Variants in RUFY3 observed in about 807,000 individuals in gnomAD.
RUFY3 encodes the protein RUN and FYVE domain containing 3, also known as protein RUFY3.
RUFY3 carries 34 observed loss-of-function variants against 84.0 expected under a neutral mutation model. That is an observed-to-expected ratio of 0.40 (90% CI 0.31 to 0.54). RUFY3 has a LOEUF of 0.54. RUFY3 is among the 20% of genes least tolerant of loss of function. The pLI, the probability that RUFY3 is intolerant of heterozygous loss-of-function variation, is 0.39. For missense variants in RUFY3, 507 were observed against 736.8 expected, an observed-to-expected ratio of 0.69 and a Z score of 3.61; for synonymous variants, 242 against 252.9, an observed-to-expected ratio of 0.96 and a Z score of 0.41.
At chr4:70,704,996 G>A in exon 1 of RUFY3, 2 of 1,224,366 alleles carry the variant, frequency 1.6e-6, no homozygotes, top group Non-Finnish European at 2.0e-6. Flanking sequence ...AGGAGCCGGC[G>A]AGGGGCGGGG....
chr4:70,729,032 G>A (rs28665315), intron 1 of RUFY3, among the ~76,000 whole-genome samples: 14,047 of 152,068 alleles, frequency 0.092, 1,382 homozygotes, highest in African/African-American at 0.25. Context: ...AAACTTTATT[G>A]CTGTCAATAT....
intron 6 of RUFY3, among the ~76,000 whole-genome samples, chr4:70,774,560 A>T (rs1727507783): frequency 7.6e-6 from 1 of 132,086 alleles, no homozygotes; most frequent in Non-Finnish European, 1.6e-5. Context: ...GGTTGCAGTG[A>T]GCCGAAATCA....
At chr4:70,742,396 A>T (rs115997212) in intron 1 of RUFY3, among the ~76,000 whole-genome samples, 1 of 152,272 alleles carries the variant, frequency 6.6e-6, no homozygotes, top group African/African-American at 2.4e-5. Flanking sequence ...CACACCCCTG[A>T]CACACACACA....
At chr4:70,795,848 C>T (rs1158026769) in intron 14 of RUFY3, among the ~76,000 whole-genome samples, 1 of 152,106 alleles carries the variant, frequency 6.6e-6, no homozygotes, top group Non-Finnish European at 1.5e-5. Flanking sequence ...AAAAAGAAAT[C>T]AGAGGCACCA....
exon 1 of RUFY3, chr4:70,704,824 T>A: frequency 1.5e-6 from 1 of 664,696 alleles, no homozygotes; most frequent in Non-Finnish European, 2.1e-6. Flanking sequence ...AAGGTGGCGG[T>A]GGCGGCGGCG....
In RUFY3 at chr4:70,806,585, A is replaced by G. The variant is rs540044315; in HGVS notation, c.1789A>G (p.Ser597Gly). The G allele has an allele frequency of 5.8e-5, 94 of 1,614,206 alleles. 3 individuals are homozygous for G. The South Asian group carries it at 1.0e-3, about 17-fold the overall frequency. ...CSTNELPLPS[S>G]IKLERVCNPC... ...AACAAATGAACTGCCTCTTCCTTCA[A>G]GTATCAAGCTTGAGCGAGTTTGCAA... The change falls in exon 18 of 18, where the codon AGT becomes GGT. Residue 597 changes from serine to glycine, a missense_variant. Around this residue, in one of 4 missense-constraint regions of RUFY3, gnomAD observed 334 missense variants for 364.1 expected, o/e 0.92. Coordinates refer to ENST00000381006, the MANE Select transcript of RUFY3 (RefSeq NM_001037442.4).
In RUFY3 at chr4:70,705,258, A is replaced by AGCGGCG. The variant is rs758130707; in HGVS notation, c.331_336dup (p.Gly111_Gly112dup). 116 of 1,439,620 alleles carry AGCGGCG rather than the reference A, an allele frequency of 8.1e-5. No individual in the cohort carries two copies. The African/African-American group carries it at 1.6e-3, about 20-fold the overall frequency. The allele number at this position is 1,439,620 out of a possible 1,614,324, so 89.2% of individuals were successfully genotyped here. ...GCCCTTCCTGCTGCTGAGCTACCCG[A>AGCGGCG]GCGGCGGCGGCGGCAGCAGCGGCAG... On this transcript the variant is annotated inframe_insertion, in exon 1 of 12. Coordinates refer to the RUFY3 transcript ENST00000417478.
At chr4:70,734,780 A>G (rs1720016595) in intron 1 of RUFY3, among the ~76,000 whole-genome samples, 1 of 152,104 alleles carries the variant, frequency 6.6e-6, no homozygotes, top group Non-Finnish European at 1.5e-5. Flanking sequence ...GACTACTTTC[A>G]GTTTCTTCCT....
rs1019216914 is a variant in RUFY3, at chr4:70,732,501, C to G, written c.178+9750C>G. On this transcript the variant is annotated intron_variant, in intron 1 of 17. Coordinates refer to ENST00000381006, the MANE Select transcript of RUFY3 (RefSeq NM_001037442.4). ...TATTCATAGTAGCAAAGACTTGGAA[C>G]CAACCCAGATATCCATCAATAATAC... is the stretch of plus-strand genomic sequence containing the variant. 2.0e-5 allele frequency among the ~76,000 whole-genome samples: 3 copies of G among 152,062 alleles called. No individual in the cohort carries two copies. In the East Asian group the frequency reaches 5.8e-4, roughly 29 times the overall value.
At chr4:70,704,184 C>G (rs1279642320), upstream of RUFY3, 3 of 152,162 alleles carry the variant, frequency 2.0e-5, no homozygotes, top group African/African-American at 7.2e-5. Context: ...ACTAGAAAAC[C>G]AGGGAATTAA....
At chr4:70,761,879 T>G (rs1042443261) in intron 1 of RUFY3, among the ~76,000 whole-genome samples, 1 of 152,180 alleles carries the variant, frequency 6.6e-6, no homozygotes, top group Non-Finnish European at 1.5e-5. Flanking sequence ...TGGGGCTTTA[T>G]TTTTAGAGCA....
chr4:70,797,861 T>TAA (rs200715156), intron 14 of RUFY3, among the ~76,000 whole-genome samples: 1 of 149,972 alleles, frequency 6.7e-6, no homozygotes, highest in African/African-American at 2.4e-5. Flanking sequence ...AAAAAAATAA[T>TAA]AAAAAAAAAC....
intron 1 of RUFY3, among the ~76,000 whole-genome samples, chr4:70,761,422 G>A (rs934642027): frequency 6.6e-6 from 1 of 152,232 alleles, no homozygotes; most frequent in African/African-American, 2.4e-5. Context: ...GTGCCCATGG[G>A]CCGGCTGCAA....
At position 70,787,338 on chromosome 4, in the gene RUFY3, A is replaced by C. The variant is rs13108391; in HGVS notation, c.1072-1468A>C. On this transcript the variant is annotated intron_variant, in intron 10 of 17. Coordinates refer to ENST00000381006, the MANE Select transcript of RUFY3 (RefSeq NM_001037442.4). ...AGTGGTGTAGTCTCAGCTCACTGCA[A>C]CCTCCGCCTCCCAGGTTCAAGAGAT... 6.3e-3 allele frequency among the ~76,000 whole-genome samples: 930 copies of C among 148,538 alleles called. 2 individuals are homozygous for C. The highest frequency in any genetic ancestry group is 0.01 in the Non-Finnish European group (702 of 67,050).
At chr4:70,704,936 C>T in exon 1 of RUFY3, 1 of 1,224,596 alleles carries the variant, frequency 8.2e-7, no homozygotes. Flanking sequence ...AAGGAGTGAG[C>T]ATGGCTGAGA....
At chr4:70,768,810 A>C (rs1003093690) in intron 5 of RUFY3, 149 bp downstream of exon 5, 3 of 798,164 alleles carry the variant, frequency 3.8e-6, no homozygotes, top group Non-Finnish European at 5.8e-6. Context: ...TATAAAAAAA[A>C]GATTGTTTTT....
chr4:70,793,695 T>A, intron 12 of RUFY3, 90 bp from the exon 13 acceptor site: 1 of 1,605,578 alleles, frequency 6.2e-7, no homozygotes, highest in Non-Finnish European at 8.5e-7. Context: ...GCATTCTTCC[T>A]TGGGTTATTT....
intron 1 of RUFY3, among the ~76,000 whole-genome samples, chr4:70,723,872 C>T (rs544917025): frequency 1.3e-5 from 2 of 152,264 alleles, no homozygotes; most frequent in African/African-American, 2.4e-5. Flanking sequence ...AGAATTTTCC[C>T]ATTGTGTTTG....
rs146319982 is a variant in RUFY3 at position 70,775,303 on chromosome 4, G to A, written c.824+70G>A. The A allele has an allele frequency of 1.7e-3, 1,811 of 1,038,228 alleles. 3 individuals are homozygous for A. Among genetic ancestry groups the A allele is most frequent in the Non-Finnish European group, 2.2e-3 (1,510 of 687,148 alleles). The allele number at this position is 1,038,228 out of a possible 1,614,324, so 64.3% of individuals were successfully genotyped here. A position where few individuals can be genotyped will look rare whatever the true frequency, so the allele number is the denominator to read the frequency against. ...GGAGAAGGGAAGAGTAAGATGATGC[G>A]CAGTGAGGATAAATTCAGACAGTGT... On this transcript the variant is annotated intron_variant, in intron 7 of 17. Transcript: ENST00000381006.
Sources: allele counts gnomAD v4.1 joint callset (sites outside exome capture counted in the v4.1 genomes callset), GRCh38; gene constraint gnomAD v4.1.1; regional missense constraint gnomAD v4.1.1; transcripts MANE v1.5; gene names NCBI Gene and HGNC (gene_info 2026-07-23, HGNC 2026-07-21).